MUC12: variants seen among roughly 807,000 people sequenced by gnomAD.
The protein encoded by MUC12 is mucin-12.
MUC12 carries 172 observed loss-of-function variants against 230.8 expected under a neutral mutation model. That is an observed-to-expected ratio of 0.75 (90% CI 0.66 to 0.85). The LOEUF (loss-of-function observed/expected upper bound fraction) is 0.85. Among genes scored for constraint, MUC12 ranks in the 40% least tolerant of loss-of-function variants. The probability of loss-of-function intolerance (pLI) is 0.00; values close to 1 mark genes in which losing one functional copy is unlikely to be tolerated. For missense variants in MUC12, 3,506 were observed against 5,920.6 expected (o/e 0.59, Z 13.38); for synonymous variants, 1,259 against 2,401.9 (o/e 0.52, Z 13.91).
rs535402716 is a variant in MUC12, at chr7:101,015,697, T to A, written c.15877+6T>A. On this transcript the variant is annotated splice_donor_region_variant and intron_variant, in intron 10 of 11. Transcript: ENST00000536621. ...GAAGACGGCCATCTGGGAAGGTACC[T>A]CTAGTTAAGGGCAAGGAGATGAGCA... The A allele has an allele frequency of 6.5e-6, 10 of 1,536,842 alleles. No homozygotes were observed. Among genetic ancestry groups the A allele is most frequent in the Non-Finnish European group, 8.7e-6 (10 of 1,146,576 alleles).
intron 3 of MUC12, among the ~76,000 whole-genome samples, chr7:101,007,078 C>G (rs1303063917): frequency 1.3e-5 from 2 of 152,178 alleles, no homozygotes; most frequent in East Asian, 3.8e-4. Context: ...CCTGCCTCAG[C>G]CTCCTGAGTA....
Position 100,995,874 on chromosome 7 carries a change from G to A in MUC12, c.5311G>A (p.Ala1771Thr), listed in dbSNP as rs375638938. 2.0e-4 allele frequency: 281 copies of A among 1,422,892 alleles called. 1 individual carries two copies. The highest frequency in any genetic ancestry group is 7.9e-4 in the African/African-American group (48 of 60,956). The allele number at this position is 1,422,892 out of a possible 1,614,324, so 88.1% of individuals were successfully genotyped here. The change falls in exon 2 of 12, where the codon GCG becomes ACG. Residue 1771 changes from alanine (A) to threonine (T), a missense_variant. Ala to Thr is a moderately conservative substitution (Grantham distance 58, BLOSUM62 0). Transcript: ENST00000536621. ...TTSGLVEESTAYHSSPGSTQT... is the reference protein window; with the variant it reads ...TTSGLVEESTTYHSSPGSTQT... ...CTCAGGCCTCGTTGAAGAATCTACG[G>A]CGTACCACAGCAGCCCGGGCTCAAC...
Position 100,991,550 on chromosome 7 carries a change from A to C in MUC12, c.987A>C (p.Glu329Asp). The change falls in exon 2 of 12, where the codon GAA (glutamate) becomes GAC (aspartate). Residue 329 changes from glutamate (E) to aspartate (D), a missense_variant. Transcript: ENST00000536621. ...CCACAACCTTGGGCCATAGTGAGGA[A>C]TCGACACCAGTCCACAGCAGCCCAG... Reference protein sequence around the residue: ...ASSTTLGHSEESTPVHSSPVA... With the variant: ...ASSTTLGHSEDSTPVHSSPVA... 1 of 1,537,340 alleles carries C rather than the reference A, an allele frequency of 6.5e-7. No individual in the cohort carries two copies. Among genetic ancestry groups the C allele is most frequent in the Non-Finnish European group, 8.7e-7 (1 of 1,146,604 alleles).
intron 1 of MUC12, among the ~76,000 whole-genome samples, chr7:100,990,319 G>C (rs1022373742): frequency 1.3e-5 from 2 of 152,220 alleles, no homozygotes; most frequent in Non-Finnish European, 1.5e-5. Flanking sequence ...AACGGTAAAT[G>C]TAATGTGCTT....
chr7:101,017,690 C>G, intron 11 of MUC12, 27 bp downstream of exon 11: 2 of 1,495,502 alleles, frequency 1.3e-6, no homozygotes, highest in Admixed American at 4.0e-5. Flanking sequence ...CTGCCCCCAC[C>G]CCCTGAGGCT....
At position 100,992,291 on chromosome 7, in the gene MUC12, A is replaced by G; in HGVS notation, c.1728A>G (p.Glu576=). 1 of 1,536,958 alleles carries G rather than the reference A, an allele frequency of 6.5e-7. No homozygotes were observed. Among genetic ancestry groups the G allele is most frequent in the South Asian group, 1.2e-5 (1 of 84,020 alleles). Residue 576 remains glutamate, a synonymous_variant, in exon 2 of 12, where the codon GAA becomes GAG. Transcript: ENST00000536621. ...CCACAGCATCATCCCTTGGTCCAGA[A>G]TATACTACCTTCCACAGCCGCCCAG... The part of the protein sequence containing the change: ...GSTTASSLGP[E]YTTFHSRPGS...
At position 101,005,006 on chromosome 7, in the gene MUC12, A is replaced by G. The variant is rs1402541861; in HGVS notation, c.14443A>G (p.Thr4815Ala). 12 of 1,537,464 alleles carry G rather than the reference A, an allele frequency of 7.8e-6. No individual in the cohort carries two copies. Among genetic ancestry groups the G allele is most frequent in the Admixed American group, 2.0e-5 (1 of 50,968 alleles). Residue 4815 changes from threonine to alanine, a missense_variant, in exon 2 of 12, where the codon ACT becomes GCT. Coordinates refer to ENST00000536621, the MANE Select transcript of MUC12 (RefSeq NM_001164462.2). ...ETTLSPGSIT[T>A]SSFAQEFTTP... ...AACACTGTCCCCTGGCAGCATCACA[A>G]CTTCATCTTTTGCTCAAGAATTTAC...
rs560663178 is a variant in MUC12 at position 100,994,110 on chromosome 7, G to T, written c.3547G>T (p.Gly1183Cys). 2.9e-6 allele frequency: 3 copies of T among 1,027,768 alleles called. No homozygotes were observed. Among genetic ancestry groups the T allele is most frequent in the Non-Finnish European group, 3.9e-6 (3 of 760,104 alleles). The allele number at this position is 1,027,768 out of a possible 1,614,324, so 63.7% of individuals were successfully genotyped here. A position where few individuals can be genotyped will look rare whatever the true frequency, so the allele number is the denominator to read the frequency against. Residue 1183 changes from glycine to cysteine, a missense_variant, in exon 2 of 12, where the codon GGT becomes TGT. Coordinates refer to ENST00000536621, the MANE Select transcript of MUC12 (RefSeq NM_001164462.2). ...TCACAGCACCACAACCTCAGTTCAT[G>T]GTGAAGAGCCTACAACCTTCCACAG... is the stretch of plus-strand genomic sequence containing the variant. The part of the protein sequence containing the change: ...FPHSTTTSVH[G>C]EEPTTFHSRP...
Position 101,009,170 on chromosome 7 carries a change from TGGG to T in MUC12, c.15251+15_15251+17del, listed in dbSNP as rs1374128554. 6.5e-7 allele frequency: 1 copy of T among 1,537,232 alleles called. No homozygotes were observed. The highest frequency in any genetic ancestry group is 2.4e-5 in the East Asian group (1 of 40,906). On this transcript the variant is annotated intron_variant, in intron 5 of 11. Transcript: ENST00000536621. ...CATTCGGAGATTGCTGTGAGTATAT[TGGG>T]GGGCAGGTTTATAGATGTGGGGAAA...
rs573762718 is a variant in MUC12, at chr7:100,990,796, G to C, written c.233G>C (p.Ser78Thr). The C allele has an allele frequency of 7.2e-6, 11 of 1,537,802 alleles. No individual in the cohort carries two copies. Among genetic ancestry groups the C allele is most frequent in the Non-Finnish European group, 9.6e-6 (11 of 1,147,036 alleles). The change falls in exon 2 of 12, where the codon AGT (serine) becomes ACT (threonine). Residue 78 changes from serine (S) to threonine (T), a missense_variant. By Grantham distance (58) the Ser-to-Thr change is moderately conservative. Transcript: ENST00000536621. ...FLDSSTNSGHSEESTVSHSGP... is the reference protein window; with the variant it reads ...FLDSSTNSGHTEESTVSHSGP... ...GACAGCTCCACAAACTCAGGCCACAGTGAGGAATCAACAGTATCCCACAGC... is the reference window on the plus strand; with the variant it reads ...GACAGCTCCACAAACTCAGGCCACACTGAGGAATCAACAGTATCCCACAGC...
chr7:100,985,930 T>G (rs1055944960), intron 1 of MUC12, among the ~76,000 whole-genome samples: 1 of 152,154 alleles, frequency 6.6e-6, no homozygotes, highest in African/African-American at 2.4e-5. Flanking sequence ...GACCCTTGTA[T>G]TCAGGGCTCA....
chr7:101,018,491 C>G, intron 11 of MUC12, 104 bp from the exon 12 acceptor site: 1 of 897,506 alleles, frequency 1.1e-6, no homozygotes, highest in South Asian at 1.4e-5. Context: ...CTCCCTCCCT[C>G]CCCCTGGGGT....
chr7:100,972,772 C>T lies in MUC12; in HGVS notation c.67+3083C>T, dbSNP rs1792933900. On this transcript the variant is annotated intron_variant, in intron 1 of 11. Coordinates refer to ENST00000536621, the MANE Select transcript of MUC12 (RefSeq NM_001164462.2). ...CTGCTCAGCTCGAACTCCCAAAGTG[C>T]TGGAATGACAGGTGCGAGCCACCGC... 2.1e-5 allele frequency: 14 copies of T among 674,200 alleles called. No individual in the cohort carries two copies. The South Asian group carries it at 2.3e-4, about 11-fold the overall frequency. The allele number at this position is 674,200 out of a possible 1,614,324, so 41.8% of individuals were successfully genotyped here.
At position 100,991,362 on chromosome 7, in the gene MUC12, A is replaced by C. The variant is rs61749513; in HGVS notation, c.799A>C (p.Ser267Arg). The change falls in exon 2 of 12, where the codon AGC (serine) becomes CGC (arginine). Residue 267 changes from serine to arginine, a missense_variant. Physicochemically the swap from Ser to Arg is moderately radical, Grantham distance 110 (BLOSUM62 -1). Coordinates refer to ENST00000536621, the MANE Select transcript of MUC12 (RefSeq NM_001164462.2). Reference protein sequence around the residue: ...GSPHTTLSPSSSTTHEGEPTT... With the variant: ...GSPHTTLSPSRSTTHEGEPTT... ...GCCACACACAACACTGTCCCCTTCC[A>C]GCTCTACAACCCATGAGGGAGAACC... The C allele has an allele frequency of 6.5e-7, 1 of 1,537,670 alleles. No homozygotes were observed. The highest frequency in any genetic ancestry group is 1.4e-5 in the African/African-American group (1 of 73,106).
chr7:100,983,342 T>A (rs766993632), intron 1 of MUC12, among the ~76,000 whole-genome samples: 2 of 149,854 alleles, frequency 1.3e-5, no homozygotes, highest in Non-Finnish European at 3.0e-5. Flanking sequence ...ATTGCTTGAG[T>A]CCGGGAGATG....
At chr7:101,009,549 C>T (rs1029203213) in intron 5 of MUC12, among the ~76,000 whole-genome samples, 6 of 152,152 alleles carry the variant, frequency 3.9e-5, no homozygotes, top group African/African-American at 1.4e-4. Flanking sequence ...AAACTGGCAA[C>T]AGGCTGGGCG....
rs1793464942 is a variant in MUC12, at chr7:100,995,682, T to A, written c.5119T>A (p.Ser1707Thr). 2.0e-6 allele frequency: 3 copies of A among 1,537,026 alleles called. No homozygotes were observed. The highest frequency in any genetic ancestry group is 2.6e-6 in the Non-Finnish European group (3 of 1,147,050). The change falls in exon 2 of 12, where the codon TCA becomes ACA. Residue 1707 changes from serine (S) to threonine (T), a missense_variant. Ser to Thr is a moderately conservative substitution (Grantham distance 58). Coordinates refer to ENST00000536621, the MANE Select transcript of MUC12 (RefSeq NM_001164462.2). ...TATGCCTGCACCTCCTACTACCACA[T>A]CAGCCTTTGTTGAGCTATCTACAAC... ...DTMPAPPTTT[S>T]AFVELSTTSH... is the part of the protein sequence containing the mutation.
intron 1 of MUC12, chr7:100,973,149 C>G: frequency 1.6e-6 from 1 of 638,086 alleles, no homozygotes; most frequent in Non-Finnish European, 2.8e-6. Flanking sequence ...GTAGGGCAGA[C>G]CAGCATCAGA....
chr7:100,990,016 C>T lies in MUC12; in HGVS notation c.68-615C>T, dbSNP rs561726833. Reference sequence around the variant, plus strand: ...CCCTAAAAATTCAAGTTACAAATTACAGTCAAGACTCAGAAAAGTATCTAG... The same window carrying T: ...CCCTAAAAATTCAAGTTACAAATTATAGTCAAGACTCAGAAAAGTATCTAG... On this transcript the variant is annotated intron_variant, in intron 1 of 11. Transcript: ENST00000536621. 3.9e-5 allele frequency among the ~76,000 whole-genome samples: 6 copies of T among 152,176 alleles called. No individual in the cohort carries two copies. The South Asian group carries it at 1.2e-3, about 32-fold the overall frequency.
Sources: allele counts gnomAD v4.1 joint callset (sites outside exome capture counted in the v4.1 genomes callset), GRCh38; gene constraint gnomAD v4.1.1; transcripts MANE v1.5; gene names NCBI Gene and HGNC (gene_info 2026-07-23, HGNC 2026-07-21).